DBN1: variants seen among roughly 807,000 people sequenced by gnomAD.
The protein encoded by DBN1 is drebrin 1.
In DBN1, 21 loss-of-function variants were observed where a neutral mutation model predicts 83.5. The ratio of observed to expected loss-of-function variants is 0.25; its 90% CI spans 0.18 to 0.36. The LOEUF (loss-of-function observed/expected upper bound fraction) is 0.36. Among genes scored for constraint, DBN1 ranks in the 10% least tolerant of loss-of-function variants. DBN1 has a pLI of 1.00. For missense variants in DBN1, 874 were observed against 935.7 expected, an observed-to-expected ratio of 0.93 and a Z score of 0.86; for synonymous variants, 381 against 384.9, an observed-to-expected ratio of 0.99 and a Z score of 0.12.
intron 12 of DBN1, 137 bp downstream of exon 12, chr5:177,458,961 A>C (rs553852983): frequency 1.4e-6 from 2 of 1,436,192 alleles, no homozygotes; most frequent in East Asian, 4.9e-5. Context: ...GCTCCTCCCC[A>C]CACAGCCGCC....
Position 177,467,800 on chromosome 5 carries a change from A to G in DBN1, c.273T>C (p.Pro91=), listed in dbSNP as rs1450739938. The change falls in exon 4 of 15, where the codon CCT becomes CCC. Residue 91 remains proline, a synonymous_variant. Coordinates refer to ENST00000393565, the MANE Select transcript of DBN1 (RefSeq NM_001363541.2). This position sits in a 1 kb window ranked among gnomAD's most constrained non-coding sequence, Gnocchi z 9.1. ...VLINWVGEDV[P]DARKCACASH... ...TGGCACAAGCGCACTTGCGGGCATCAGGCACATCTTCGCCCACCTGCAAAG... is the reference window on the plus strand; with the variant it reads ...TGGCACAAGCGCACTTGCGGGCATCGGGCACATCTTCGCCCACCTGCAAAG... 6.4e-7 allele frequency: 1 copy of G among 1,559,400 alleles called. No homozygotes were observed. Among genetic ancestry groups the G allele is most frequent in the Non-Finnish European group, 8.7e-7 (1 of 1,151,830 alleles).
chr5:177,468,299 C>T, intron 2 of DBN1, 79 bp from the exon 3 acceptor site: 1 of 1,299,232 alleles, frequency 7.7e-7, no homozygotes, highest in Non-Finnish European at 1.1e-6. Flanking sequence ...AAAGCAAAGA[C>T]TCCTCCAGGC....
chr5:177,458,964 C>T (rs974057657), intron 12 of DBN1, 134 bp downstream of exon 12: 4 of 1,444,988 alleles, frequency 2.8e-6, no homozygotes, highest in Non-Finnish European at 3.7e-6. Flanking sequence ...CCTCCCCACA[C>T]AGCCGCCTCC....
chr5:177,471,142 G>A (rs1407200898), intron 1 of DBN1, among the ~76,000 whole-genome samples: 1 of 152,052 alleles, frequency 6.6e-6, no homozygotes, highest in Non-Finnish European at 1.5e-5. Context: ...CCTGGGGTGA[G>A]CTGGGATGGG....
chr5:177,467,244 G>A lies in DBN1; in HGVS notation c.555+11C>T. ...GGGTGGCTCAGCCAGGCCGGGCTCAGGGTTCCATACCTTGGCCTGCTCCCA... is the reference window on the plus strand; with the variant it reads ...GGGTGGCTCAGCCAGGCCGGGCTCAAGGTTCCATACCTTGGCCTGCTCCCA... On this transcript the variant is annotated intron_variant, in intron 6 of 14. Transcript: ENST00000393565. This position sits in a 1 kb window ranked among gnomAD's most constrained non-coding sequence, Gnocchi z 9.1. 6.2e-7 allele frequency: 1 copy of A among 1,614,086 alleles called. No individual in the cohort carries two copies. Among genetic ancestry groups the A allele is most frequent in the Non-Finnish European group, 8.5e-7 (1 of 1,179,976 alleles).
At chr5:177,463,121 C>G (rs1207432269) in intron 8 of DBN1, among the ~76,000 whole-genome samples, 1 of 151,318 alleles carries the variant, frequency 6.6e-6, no homozygotes, top group African/African-American at 2.5e-5. Flanking sequence ...ACTGCAAGCT[C>G]CGCCTCCCGG....
intron 13 of DBN1, 126 bp downstream of exon 13, chr5:177,457,932 A>T: frequency 7.1e-7 from 1 of 1,404,660 alleles, no homozygotes; most frequent in Non-Finnish European, 1.0e-6. Context: ...GGTGGGATGG[A>T]CTTCCCCTCA....
At chr5:177,462,879 C>A (rs1376492117) in intron 8 of DBN1, among the ~76,000 whole-genome samples, 2 of 152,168 alleles carry the variant, frequency 1.3e-5, no homozygotes, top group East Asian at 3.9e-4. Context: ...CCAATCAAAT[C>A]TCCCCCACTC....
At chr5:177,462,229 TAC>T in intron 8 of DBN1, 3 of 974,238 alleles carry the variant, frequency 3.1e-6, no homozygotes, top group Non-Finnish European at 2.4e-6. Flanking sequence ...GGCTCCCACA[TAC>T]TGTGAGATGT....
In DBN1 at chr5:177,466,941, C is replaced by T. The variant is rs146597348; in HGVS notation, c.677G>A (p.Arg226Gln). ...QEQEERERRY[R>Q]EREQQIEEHR... ...CTCCTCGATCTGCTGCTCCCGCTCC[C>T]GGTAGCGCCGCTCGCGCTCCTCTTG... The change falls in exon 7 of 15, where the codon CGG becomes CAG. Residue 226 changes from arginine (R) to glutamine (Q), a missense_variant. By Grantham distance (43) the Arg-to-Gln change is conservative. This residue lies in a region of DBN1 where 725 missense variants were observed against 719.7 expected (regional missense o/e 1.01). Coordinates refer to ENST00000393565, the MANE Select transcript of DBN1 (RefSeq NM_001363541.2). The surrounding 1 kb of genome is among the most constrained non-coding windows in gnomAD (Gnocchi z 4.8). 0.011 allele frequency: 17,495 copies of T among 1,612,646 alleles called. 121 individuals are homozygous for T. The highest frequency in any genetic ancestry group is 0.013 in the Non-Finnish European group (15,595 of 1,179,760).
intron 11 of DBN1, 78 bp downstream of exon 11, chr5:177,459,525 G>T (rs1017400674): frequency 2.1e-6 from 3 of 1,415,940 alleles, no homozygotes; most frequent in South Asian, 2.9e-5. Flanking sequence ...CGGTCAGACT[G>T]GGGGAGTGAG....
At position 177,467,105 on chromosome 5, in the gene DBN1, C is replaced by A; in HGVS notation, c.556-43G>T. 6.2e-7 allele frequency: 1 copy of A among 1,612,068 alleles called. No individual in the cohort carries two copies. Among genetic ancestry groups the A allele is most frequent in the Non-Finnish European group, 8.5e-7 (1 of 1,179,358 alleles). ...AACAAGGGTAGGCCCCGAGCCTAGG[C>A]GCCTGGACCCTGCCCCTCCAGCCCC... On this transcript the variant is annotated intron_variant, in intron 6 of 14. Coordinates refer to ENST00000393565, the MANE Select transcript of DBN1 (RefSeq NM_001363541.2). The surrounding 1 kb of genome is among the most constrained non-coding windows in gnomAD (Gnocchi z 9.1).
At chr5:177,468,524 AGGC>A in intron 2 of DBN1, 1 of 476,366 alleles carries the variant, frequency 2.1e-6, no homozygotes, top group Admixed American at 3.5e-5. Flanking sequence ...CAGTGCCCAG[AGGC>A]ACAATCAAGC....
At position 177,457,939 on chromosome 5, in the gene DBN1, C is replaced by T. The variant is rs774188086; in HGVS notation, c.1914+119G>A. The T allele has an allele frequency of 2.0e-6, 3 of 1,470,820 alleles. No individual in the cohort carries two copies. In the African/African-American group the frequency reaches 4.2e-5, roughly 20 times the overall value. The allele number at this position is 1,470,820 out of a possible 1,614,324, so 91.1% of individuals were successfully genotyped here. Reference sequence around the variant, plus strand: ...GGAGGGAGGGTGGGATGGACTTCCCCTCAAATAATGTGGGTCACAGAGAAG... The same window carrying T: ...GGAGGGAGGGTGGGATGGACTTCCCTTCAAATAATGTGGGTCACAGAGAAG... On this transcript the variant is annotated intron_variant, in intron 13 of 14. Coordinates refer to ENST00000393565, the MANE Select transcript of DBN1 (RefSeq NM_001363541.2).
In DBN1 at chr5:177,468,204, C is replaced by G. The variant is rs776155654; in HGVS notation, c.159G>C (p.Glu53Asp). The G allele has an allele frequency of 2.5e-6, 4 of 1,614,050 alleles. No homozygotes were observed. Among genetic ancestry groups the G allele is most frequent in the Non-Finnish European group, 3.4e-6 (4 of 1,179,998 alleles). Residue 53 changes from glutamate (E) to aspartate (D), a missense_variant, in exon 3 of 15, where the codon GAG becomes GAC. By Grantham distance (45) the Glu-to-Asp change is conservative. Transcript: ENST00000393565. Reference sequence around the variant, plus strand: ...TCTGGTTCTCAAAGTGTCCCGAAAGCTCCTGCAAGCCCCCTTCTAGGGTAA... The same window carrying G: ...TCTGGTTCTCAAAGTGTCCCGAAAGGTCCTGCAAGCCCCCTTCTAGGGTAA... ...LAASGEGGLQ[E>D]LSGHFENQKV...
In DBN1 at chr5:177,467,633, G is replaced by T. The variant is rs777692519; in HGVS notation, c.331-6C>A. On this transcript the variant is annotated splice_region_variant and splice_polypyrimidine_tract_variant and intron_variant, in intron 4 of 14. Coordinates refer to ENST00000393565, the MANE Select transcript of DBN1 (RefSeq NM_001363541.2). This position sits in a 1 kb window ranked among gnomAD's most constrained non-coding sequence, Gnocchi z 9.1. Reference sequence around the variant, plus strand: ...TTCACGATCACGTCGACACCCTTCCGCAAGAAGACGGCAGTGCTCAGGCGG... The same window carrying T: ...TTCACGATCACGTCGACACCCTTCCTCAAGAAGACGGCAGTGCTCAGGCGG... The T allele has an allele frequency of 1.9e-6, 3 of 1,570,358 alleles. No homozygotes were observed. Among genetic ancestry groups the T allele is most frequent in the Non-Finnish European group, 2.6e-6 (3 of 1,157,720 alleles).
In DBN1 at chr5:177,466,009, C is replaced by A. The variant is rs1382453252; in HGVS notation, c.771+763G>T. Among the ~76,000 whole-genome samples, 3 of 152,138 alleles carry A rather than the reference C, an allele frequency of 2.0e-5. No homozygotes were observed. Among genetic ancestry groups the A allele is most frequent in the African/African-American group, 4.8e-5 (2 of 41,416 alleles). On this transcript the variant is annotated intron_variant, in intron 8 of 14. Coordinates refer to ENST00000393565, the MANE Select transcript of DBN1 (RefSeq NM_001363541.2). This position sits in a 1 kb window ranked among gnomAD's most constrained non-coding sequence, Gnocchi z 4.8. ...CAGCCACACATCATCCCCACCCCAT[C>A]CAAGGGCAGATGTGACTGGAGTGAC...
chr5:177,471,804 C>T (rs1338240143), intron 1 of DBN1, among the ~76,000 whole-genome samples: 1 of 152,020 alleles, frequency 6.6e-6, no homozygotes. Context: ...TGGGTGGGGG[C>T]AGGCCTGTGT....
intron 8 of DBN1, among the ~76,000 whole-genome samples, chr5:177,463,088 G>C (rs1033316477): frequency 3.3e-5 from 5 of 152,000 alleles, no homozygotes; most frequent in African/African-American, 1.2e-4. Flanking sequence ...TCAGGCTGGA[G>C]TGCAGTGGCG....
Sources: allele counts gnomAD v4.1 joint callset (sites outside exome capture counted in the v4.1 genomes callset), GRCh38; gene constraint gnomAD v4.1.1; regional missense constraint gnomAD v4.1.1; non-coding constraint Gnocchi (gnomAD v3.1); transcripts MANE v1.5; gene names NCBI Gene and HGNC (gene_info 2026-07-23, HGNC 2026-07-21).